Variants in OPRM1 observed in about 807,000 individuals in gnomAD.
OPRM1 encodes the protein mu-type opioid receptor.
A neutral mutation model predicts 31.8 loss-of-function variants in OPRM1; 27 were observed. That is an observed-to-expected ratio of 0.85 (90% CI 0.63 to 1.17). OPRM1 has a LOEUF of 1.17. Among genes scored for constraint, OPRM1 ranks in the 50% most tolerant of loss-of-function variants. OPRM1 has a pLI of 0.00. For synonymous variants in OPRM1, 196 were observed against 189.9 expected, an observed-to-expected ratio of 1.03 and a Z score of -0.26; for missense variants, 536 against 511.1, an observed-to-expected ratio of 1.05 and a Z score of -0.47.
At chr6:154,028,490 A>G (rs549974870) in intron 1 of OPRM1, among the ~76,000 whole-genome samples, 66 of 152,298 alleles carry the variant, frequency 4.3e-4, no homozygotes, top group Non-Finnish European at 7.8e-4. Flanking sequence ...ATACTCCTAT[A>G]GTCCACTGTC....
chr6:154,234,216 TA>T (rs1339640775), intron 3 of OPRM1, among the ~76,000 whole-genome samples: 1 of 152,018 alleles, frequency 6.6e-6, no homozygotes, highest in Non-Finnish European at 1.5e-5. Flanking sequence ...AATACATAAA[TA>T]AACAAATCAA....
intron 3 of OPRM1, among the ~76,000 whole-genome samples, chr6:154,239,634 A>G (rs1239895271): frequency 6.6e-6 from 1 of 152,216 alleles, no homozygotes; most frequent in African/African-American, 2.4e-5. Context: ...TTTCTAATGC[A>G]AATTCTAGGA....
chr6:154,169,661 T>C (rs1799717506), intron 3 of OPRM1, among the ~76,000 whole-genome samples: 1 of 152,202 alleles, frequency 6.6e-6, no homozygotes, highest in East Asian at 1.9e-4. Context: ...CCACACAGAC[T>C]CCATCTCCCT....
intron 3 of OPRM1, among the ~76,000 whole-genome samples, chr6:154,117,202 G>C (rs1174620355): frequency 1.3e-5 from 2 of 152,162 alleles, no homozygotes; most frequent in African/African-American, 2.4e-5. Flanking sequence ...AAATGTCCCT[G>C]AATCCAGCTT....
chr6:154,136,251 C>T (rs1250010840), downstream of OPRM1, among the ~76,000 whole-genome samples: 1 of 152,178 alleles, frequency 6.6e-6, no homozygotes, highest in Non-Finnish European at 1.5e-5. Flanking sequence ...TCTGGGGCTT[C>T]CACGTCTCTA....
chr6:154,152,307 G>GAA (rs1333893671), intron 3 of OPRM1, among the ~76,000 whole-genome samples: 1 of 83,600 alleles, frequency 1.2e-5, no homozygotes, highest in Admixed American at 1.2e-4. Flanking sequence ...AAGAAAGAAA[G>GAA]AAAGAAAGAA....
chr6:154,221,230 TG>T, intron 3 of OPRM1: 1 of 1,572,492 alleles, frequency 6.4e-7, no homozygotes, highest in Non-Finnish European at 8.8e-7. Context: ...CCATTAAGGA[TG>T]GGGTTTACCA....
intron 3 of OPRM1, among the ~76,000 whole-genome samples, chr6:154,206,537 T>TTGGG (rs1777510143): frequency 6.6e-6 from 1 of 152,128 alleles, no homozygotes; most frequent in Admixed American, 6.5e-5. Context: ...ACTTTAAGAA[T>TTGGG]TTAATAATTA....
At chr6:154,064,410 T>G (rs917007481) in intron 1 of OPRM1, among the ~76,000 whole-genome samples, 1 of 152,170 alleles carries the variant, frequency 6.6e-6, no homozygotes, top group Non-Finnish European at 1.5e-5. Flanking sequence ...GATATATGAT[T>G]TCCAAATATA....
At chr6:154,203,821 A>G (rs1777267927) in intron 3 of OPRM1, among the ~76,000 whole-genome samples, 1 of 152,178 alleles carries the variant, frequency 6.6e-6, no homozygotes, top group Admixed American at 6.5e-5. Context: ...GGCCAGAACC[A>G]GCTTTGTGAA....
At chr6:154,105,906 T>A (rs1457129765) in intron 3 of OPRM1, among the ~76,000 whole-genome samples, 2 of 152,250 alleles carry the variant, frequency 1.3e-5, no homozygotes, top group East Asian at 1.9e-4. Flanking sequence ...CCAATTTTAA[T>A]GTTTAACCAT....
At chr6:154,057,435 A>G (rs549486893) in intron 1 of OPRM1, among the ~76,000 whole-genome samples, 20 of 152,340 alleles carry the variant, frequency 1.3e-4, no homozygotes, top group African/African-American at 4.8e-4. Context: ...TCAGAAAAAC[A>G]CTGTTCTCAA....
chr6:154,093,389 C>CTGCCT, intron 3 of OPRM1: 3 of 1,614,168 alleles, frequency 1.9e-6, no homozygotes, highest in Non-Finnish European at 2.5e-6. Flanking sequence ...TTCACTCGTC[C>CTGCCT]TGCCTTCGTG....
intron 3 of OPRM1, among the ~76,000 whole-genome samples, chr6:154,223,579 C>T (rs1779031264): frequency 6.6e-6 from 1 of 152,176 alleles, no homozygotes; most frequent in Non-Finnish European, 1.5e-5. Flanking sequence ...CTGCTGAGCC[C>T]ATCAGCATCC....
At chr6:154,167,950 G>A (rs1263869898) in intron 3 of OPRM1, 3 of 1,599,746 alleles carry the variant, frequency 1.9e-6, no homozygotes, top group Non-Finnish European at 2.6e-6. Flanking sequence ...TTCGGATTTT[G>A]TGGAGTTTCT....
At chr6:154,222,192 TG>T (rs1287810300) in intron 3 of OPRM1, among the ~76,000 whole-genome samples, 4 of 152,130 alleles carry the variant, frequency 2.6e-5, no homozygotes, top group African/African-American at 9.7e-5. Context: ...CAGAAAACAT[TG>T]AAGATAACAA....
At chr6:154,101,207 A>G (rs1052769225) in intron 3 of OPRM1, among the ~76,000 whole-genome samples, 12 of 152,146 alleles carry the variant, frequency 7.9e-5, no homozygotes, top group Non-Finnish European at 1.8e-4. Flanking sequence ...ACAATCATCT[A>G]TTTAACTCAT....
chr6:154,107,914 A>C (rs1307806530), intron 3 of OPRM1: 3 of 660,034 alleles, frequency 4.5e-6, no homozygotes, highest in Non-Finnish European at 5.5e-6. Context: ...ATTATTTTTC[A>C]CATTAATCAA....
At chr6:154,214,896 G>A (rs7739555) in intron 3 of OPRM1, among the ~76,000 whole-genome samples, 4,848 of 152,198 alleles carry the variant, frequency 0.032, 267 homozygotes, top group African/African-American at 0.11. Context: ...AAAATAGAAC[G>A]AGACAGAAAC....
Sources: allele counts gnomAD v4.1 joint callset (sites outside exome capture counted in the v4.1 genomes callset), GRCh38; gene constraint gnomAD v4.1.1; transcripts MANE v1.5; gene names NCBI Gene and HGNC (gene_info 2026-07-23, HGNC 2026-07-21).